SSH2: variants seen among roughly 807,000 people sequenced by gnomAD.
SSH2 encodes the protein protein phosphatase Slingshot homolog 2.
In SSH2, 37 loss-of-function variants were observed where a neutral mutation model predicts 135.2. The ratio of observed to expected loss-of-function variants is 0.27; its 90% CI spans 0.21 to 0.36. The LOEUF (loss-of-function observed/expected upper bound fraction) is 0.36. SSH2 is among the 10% of genes least tolerant of loss of function. The pLI is 1.00. For missense variants in SSH2, 1,408 were observed against 1,765.3 expected (o/e 0.80, Z 3.63); for synonymous variants, 628 against 646.2 (o/e 0.97, Z 0.43).
intron 6 of SSH2, among the ~76,000 whole-genome samples, chr17:29,681,973 T>C (rs2038007731): frequency 6.6e-6 from 1 of 152,220 alleles, no homozygotes; most frequent in Non-Finnish European, 1.5e-5. Flanking sequence ...GAATGAAAAC[T>C]AGTTTCTAGC....
At chr17:29,823,363 G>A (rs949754820) in intron 2 of SSH2, among the ~76,000 whole-genome samples, 2 of 152,148 alleles carry the variant, frequency 1.3e-5, no homozygotes, top group Admixed American at 6.5e-5. Flanking sequence ...GTATAAAGCA[G>A]GTATTTTCTT....
chr17:29,633,340 G>T (rs1199358027), intron 15 of SSH2, among the ~76,000 whole-genome samples: 1 of 152,204 alleles, frequency 6.6e-6, no homozygotes, highest in Non-Finnish European at 1.5e-5. Context: ...CTTCTAGTTT[G>T]ATCCTAACCT....
At chr17:29,684,072 A>T (rs2038102426) in intron 6 of SSH2, among the ~76,000 whole-genome samples, 2 of 152,242 alleles carry the variant, frequency 1.3e-5, no homozygotes, top group South Asian at 4.1e-4. Context: ...GAAACACACG[A>T]CCAAAGACAT....
chr17:29,681,359 A>C (rs2037980424), intron 6 of SSH2, among the ~76,000 whole-genome samples: 1 of 150,496 alleles, frequency 6.6e-6, no homozygotes, highest in Non-Finnish European at 1.5e-5. Context: ...AAAAAAAAAA[A>C]AAAGTAGCTT....
chr17:29,738,246 A>G, intron 3 of SSH2, among the ~76,000 whole-genome samples: 1 of 137,812 alleles, frequency 7.3e-6, no homozygotes, highest in Non-Finnish European at 1.5e-5. Context: ...GTCCCTAAAA[A>G]GGACATGAAC....
Position 29,805,995 on chromosome 17 carries a change from CCAGT to C in SSH2, c.145-12062_145-12059del, listed in dbSNP as rs1460935273. On this transcript the variant is annotated intron_variant, in intron 2 of 15. Coordinates refer to ENST00000540801, the MANE Select transcript of SSH2 (RefSeq NM_001282129.2). Reference sequence around the variant, plus strand: ...ATAAATGTGGTTCAAGATTTCACAACCAGTAAGTGGCAAAACCAGAAATAAACTT... The same window carrying C: ...ATAAATGTGGTTCAAGATTTCACAACAAGTGGCAAAACCAGAAATAAACTT... Among the ~76,000 whole-genome samples, 5 of 152,180 alleles carry C rather than the reference CCAGT, an allele frequency of 3.3e-5. No homozygotes were observed. In the South Asian group the frequency reaches 6.2e-4, roughly 19 times the overall value.
At chr17:29,794,609 A>G (rs1411829985) in intron 2 of SSH2, among the ~76,000 whole-genome samples, 1 of 152,228 alleles carries the variant, frequency 6.6e-6, no homozygotes, top group Non-Finnish European at 1.5e-5. Flanking sequence ...CAATGATGAC[A>G]ACAAAAAGCA....
At position 29,687,438 on chromosome 17, in the gene SSH2, T is replaced by C. The variant is rs187786493; in HGVS notation, c.358-2754A>G. Among the ~76,000 whole-genome samples the C allele has an allele frequency of 6.6e-5, 10 of 152,350 alleles. 1 individual carries two copies. In the East Asian group the frequency reaches 1.2e-3, roughly 18 times the overall value. On this transcript the variant is annotated intron_variant, in intron 5 of 15. Transcript: ENST00000540801. ...TTTGACTTCATGTTCCATGAAGTAA[T>C]TGAGCATTTAAAACCAAATTCACTT... is the stretch of plus-strand genomic sequence containing the variant.
At chr17:29,759,666 A>G (rs937585721) in intron 3 of SSH2, among the ~76,000 whole-genome samples, 16 of 152,222 alleles carry the variant, frequency 1.1e-4, no homozygotes, top group Non-Finnish European at 5.9e-5. Flanking sequence ...AAATGAAATC[A>G]TATAGTATTT....
rs1279142684 is a variant in SSH2, at chr17:29,748,755, A to G, written c.188+45139T>C. Among the ~76,000 whole-genome samples, 4 of 152,338 alleles carry G rather than the reference A, an allele frequency of 2.6e-5. No individual in the cohort carries two copies. In the East Asian group the frequency reaches 5.8e-4, roughly 22 times the overall value. ...TAAAACTTCTTGGTTCTAAGCTTTA[A>G]AATACAGATAATCCTACTACAGAGC... On this transcript the variant is annotated intron_variant, in intron 3 of 15. Transcript: ENST00000540801.
intron 12 of SSH2, 31 bp from the exon 13 acceptor site, chr17:29,650,831 C>T (rs766403711): frequency 6.4e-7 from 1 of 1,555,684 alleles, no homozygotes; most frequent in South Asian, 1.2e-5. Flanking sequence ...AATATGTGCT[C>T]TACTACTCAG....
At chr17:29,913,347 A>AAAAAAAATTATATATATATAT in intron 1 of SSH2, among the ~76,000 whole-genome samples, 3 of 28,786 alleles carry the variant, frequency 1.0e-4, no homozygotes, top group Non-Finnish European at 1.8e-4. Flanking sequence ...AAAAAAAAAA[A>AAAAAAAATTATATATATATAT]ATATATATAT....
chr17:29,683,412 T>A (rs2151074752), intron 6 of SSH2, among the ~76,000 whole-genome samples: 1 of 152,308 alleles, frequency 6.6e-6, no homozygotes, highest in Non-Finnish European at 1.5e-5. Flanking sequence ...CATAAAAAGT[T>A]CTGCTTTGAG....
intron 3 of SSH2, among the ~76,000 whole-genome samples, chr17:29,724,748 C>T (rs2039943027): frequency 6.6e-6 from 1 of 150,982 alleles, no homozygotes; most frequent in Admixed American, 6.6e-5. Context: ...TGCCACCATG[C>T]CCAGCTAATT....
intron 2 of SSH2, among the ~76,000 whole-genome samples, chr17:29,824,901 C>T (rs1355600019): frequency 1.3e-5 from 2 of 152,134 alleles, no homozygotes; most frequent in African/African-American, 2.4e-5. Context: ...AGATATCTTT[C>T]CATTAGGGTG....
intron 1 of SSH2, among the ~76,000 whole-genome samples, chr17:29,912,765 G>T (rs2066788445): frequency 6.6e-6 from 1 of 151,916 alleles, no homozygotes; most frequent in Non-Finnish European, 1.5e-5. Flanking sequence ...AATATCAAAA[G>T]ATTTCATATA....
rs150582089 is a variant in SSH2, at chr17:29,671,115, A to G, written c.809+820T>C. On this transcript the variant is annotated intron_variant, in intron 9 of 15. Coordinates refer to ENST00000540801, the MANE Select transcript of SSH2 (RefSeq NM_001282129.2). ...GGAGATTTAATTAAATTGTACTGAC[A>G]AGGACTTAACAAGGCAAAGGTAGAG... Among the ~76,000 whole-genome samples, 692 of 152,306 alleles carry G rather than the reference A, an allele frequency of 4.5e-3. 5 individuals are homozygous for G. The highest frequency in any genetic ancestry group is 3.5e-3 in the Non-Finnish European group (241 of 68,028).
chr17:29,879,246 A>C (rs949362352), intron 1 of SSH2, among the ~76,000 whole-genome samples: 27 of 152,172 alleles, frequency 1.8e-4, no homozygotes, highest in African/African-American at 6.3e-4. Context: ...ATGGATATAC[A>C]CGGACTCAGC....
chr17:29,842,389 G>C (rs978040409), intron 2 of SSH2, among the ~76,000 whole-genome samples: 5 of 151,320 alleles, frequency 3.3e-5, no homozygotes, highest in African/African-American at 1.2e-4. Flanking sequence ...GGGAGGCGCA[G>C]GTTGCAGTGA....
Sources: allele counts gnomAD v4.1 joint callset (sites outside exome capture counted in the v4.1 genomes callset), GRCh38; gene constraint gnomAD v4.1.1; transcripts MANE v1.5; gene names NCBI Gene and HGNC (gene_info 2026-07-23, HGNC 2026-07-21).